Variants in ADD3 observed in about 807,000 individuals in gnomAD.
The protein encoded by ADD3 is adducin 3.
In ADD3, 25 loss-of-function variants were observed where a neutral mutation model predicts 80.2. That is an observed-to-expected ratio of 0.31 (90% CI 0.23 to 0.44). The LOEUF (loss-of-function observed/expected upper bound fraction) is 0.44, where lower values mean the gene tolerates loss of function less well. ADD3 is among the 20% of genes least tolerant of loss of function. The pLI is 1.00. For synonymous variants in ADD3, 284 were observed against 289.6 expected (o/e 0.98, Z 0.20); for missense variants, 829 against 847.5 (o/e 0.98, Z 0.27).
chr10:110,097,848 C>G lies in ADD3; in HGVS notation c.-29-2777C>G, dbSNP rs571711923. ...GGAGTGCAGTGGTGTGATCTCGGCT[C>G]ACTGCAAGCTCCACCTCCCAGGTTC... On this transcript the variant is annotated intron_variant, in intron 1 of 14. Transcript: ENST00000356080. Among the ~76,000 whole-genome samples, 23 of 148,634 alleles carry G rather than the reference C, an allele frequency of 1.5e-4. 1 individual carries two copies. The South Asian group carries it at 3.6e-3, about 23-fold the overall frequency.
At chr10:110,115,139 C>G (rs1434548031) in intron 3 of ADD3, among the ~76,000 whole-genome samples, 1 of 148,630 alleles carries the variant, frequency 6.7e-6, no homozygotes, top group Admixed American at 6.7e-5. Flanking sequence ...CCTATAATCC[C>G]AGCACTCTGG....
Position 110,122,263 on chromosome 10 carries a change from G to A in ADD3, c.1114G>A (p.Glu372Lys). The change falls in exon 9 of 15, where the codon GAA becomes AAA. Residue 372 changes from glutamate to lysine, a missense_variant. Glu to Lys is a moderately conservative substitution (Grantham distance 56, BLOSUM62 1). Coordinates refer to ENST00000356080, the MANE Select transcript of ADD3 (RefSeq NM_016824.5). ...QKWKVGEIEF[E>K]GLMRTLDNLG... ...ATGGAAGGTTGGCGAAATTGAGTTT[G>A]AAGGGCTTATGAGGACTCTGGACAA... 1 of 1,614,090 alleles carries A rather than the reference G, an allele frequency of 6.2e-7. No individual in the cohort carries two copies. The highest frequency in any genetic ancestry group is 8.5e-7 in the Non-Finnish European group (1 of 1,179,990).
intron 1 of ADD3, among the ~76,000 whole-genome samples, chr10:110,070,987 GGGGGGGT>G (rs1844621330): frequency 9.9e-6 from 1 of 100,600 alleles, no homozygotes; most frequent in Non-Finnish European, 1.9e-5. Context: ...TTTTTGGGGG[GGGGGGGT>G]GGGGAGCCAG....
intron 1 of ADD3, among the ~76,000 whole-genome samples, chr10:110,040,562 A>G (rs145108856): frequency 2.4e-4 from 37 of 152,324 alleles, no homozygotes; most frequent in African/African-American, 8.7e-4. Flanking sequence ...CCGTGGAGAC[A>G]TATACATACC....
intron 9 of ADD3, among the ~76,000 whole-genome samples, 173 bp downstream of exon 9, chr10:110,122,465 G>A (rs1229186887): frequency 6.6e-6 from 1 of 151,798 alleles, no homozygotes. Flanking sequence ...ACTTACAAAT[G>A]TCGTGTTTTT....
At chr10:109,997,959 G>C (rs1465697030) in intron 1 of ADD3, among the ~76,000 whole-genome samples, 2 of 152,158 alleles carry the variant, frequency 1.3e-5, no homozygotes, top group Non-Finnish European at 2.9e-5. Context: ...TACTGAACCA[G>C]TCTCAACAAA....
intron 1 of ADD3, among the ~76,000 whole-genome samples, chr10:110,055,146 T>G (rs1024974421): frequency 6.6e-6 from 1 of 152,192 alleles, no homozygotes; most frequent in African/African-American, 2.4e-5. Context: ...TGCTAAAATA[T>G]CAGACAAGAA....
chr10:110,000,320 G>A (rs1479525421), intron 1 of ADD3, among the ~76,000 whole-genome samples: 1 of 152,194 alleles, frequency 6.6e-6, no homozygotes, highest in African/African-American at 2.4e-5. Flanking sequence ...ATGATTTATA[G>A]CTCTGAGAGT....
At chr10:110,050,229 G>A (rs1438910174) in intron 1 of ADD3, among the ~76,000 whole-genome samples, 2 of 152,116 alleles carry the variant, frequency 1.3e-5, no homozygotes, top group African/African-American at 4.8e-5. Flanking sequence ...TGGCTTGGCT[G>A]TGTCCCCACC....
chr10:110,109,224 A>AT lies in ADD3; in HGVS notation c.196-3542dup, dbSNP rs779042066. Among the ~76,000 whole-genome samples, 120 of 148,004 alleles carry AT rather than the reference A, an allele frequency of 8.1e-4. 1 individual carries two copies. The highest frequency in any genetic ancestry group is 3.2e-3 in the South Asian group (15 of 4,716). ...TGTGATTCTCTTGAGTACCTGGTTG[A>AT]TTTTTTTTTTTAATCTAAAAACCAT... On this transcript the variant is annotated intron_variant, in intron 2 of 14. Transcript: ENST00000356080.
At chr10:110,003,592 C>T (rs1040471334), upstream of ADD3, among the ~76,000 whole-genome samples, 4 of 152,164 alleles carry the variant, frequency 2.6e-5, no homozygotes, top group Non-Finnish European at 5.9e-5. Context: ...ACTTAAAAGA[C>T]AGCTATACTG....
intron 1 of ADD3, among the ~76,000 whole-genome samples, chr10:110,054,504 C>T (rs1410106061): frequency 6.8e-5 from 10 of 146,468 alleles, no homozygotes; most frequent in Middle Eastern, 3.5e-3. Flanking sequence ...TGCAATGGCG[C>T]GATCTCGGCT....
intron 1 of ADD3, chr10:110,075,648 A>C (rs901876462): frequency 6.6e-6 from 1 of 152,256 alleles, no homozygotes; most frequent in East Asian, 1.9e-4. Context: ...TTGAAAACAC[A>C]TTCTGCCAGT....
At chr10:110,062,898 T>C (rs1859103191) in intron 1 of ADD3, among the ~76,000 whole-genome samples, 1 of 152,114 alleles carries the variant, frequency 6.6e-6, no homozygotes, top group Admixed American at 6.5e-5. Flanking sequence ...TAGGACAAGA[T>C]TGGATAGGGC....
At position 110,088,038 on chromosome 10, in the gene ADD3, CTTT is replaced by C. The variant is rs1246316746; in HGVS notation, c.-29-12583_-29-12581del. 2.6e-5 allele frequency among the ~76,000 whole-genome samples: 4 copies of C among 152,222 alleles called. No homozygotes were observed. The South Asian group carries it at 8.3e-4, about 32-fold the overall frequency. On this transcript the variant is annotated intron_variant, in intron 1 of 14. Transcript: ENST00000356080. ...CAATCTCTGCCCTGTCATCATAGGG[CTTT>C]TTTCTTCCTTTGTGTCTTTTTTGTT... is the stretch of plus-strand genomic sequence containing the variant.
intron 1 of ADD3, among the ~76,000 whole-genome samples, chr10:110,080,955 T>C (rs1845988847): frequency 6.6e-6 from 1 of 152,214 alleles, no homozygotes; most frequent in African/African-American, 2.4e-5. Flanking sequence ...ATATTTAGCA[T>C]TGGGTAGCAT....
In ADD3 at chr10:110,096,591, T is replaced by TG. The variant is rs557828842; in HGVS notation, c.-29-4026dup. Among the ~76,000 whole-genome samples, 329 of 151,880 alleles carry TG rather than the reference T, an allele frequency of 2.2e-3. 1 individual carries two copies. Among genetic ancestry groups the TG allele is most frequent in the East Asian group, 0.017 (87 of 5,184 alleles). ...ACTCATTCATGTTGCGATAGTTAGC[T>TG]GGGGGGGGTCTGCTGGGAACCTGGC... On this transcript the variant is annotated intron_variant, in intron 1 of 14. Coordinates refer to ENST00000356080, the MANE Select transcript of ADD3 (RefSeq NM_016824.5).
At chr10:110,119,620 A>G in intron 8 of ADD3, 56 bp downstream of exon 8, 2 of 1,473,378 alleles carry the variant, frequency 1.4e-6, no homozygotes, top group Non-Finnish European at 1.9e-6. Flanking sequence ...GTTTAGTTGG[A>G]TTTTGTGTAC....
chr10:110,098,849 T>A (rs1848475872), intron 1 of ADD3, among the ~76,000 whole-genome samples: 1 of 152,086 alleles, frequency 6.6e-6, no homozygotes, highest in African/African-American at 2.4e-5. Context: ...CAGGCTGGTC[T>A]CGAACTCCTG....
Sources: allele counts gnomAD v4.1 joint callset (sites outside exome capture counted in the v4.1 genomes callset), GRCh38; gene constraint gnomAD v4.1.1; transcripts MANE v1.5; gene names NCBI Gene and HGNC (gene_info 2026-07-23, HGNC 2026-07-21).